The following MAN2A1 variants were observed in gnomAD, a reference collection of about 807,000 sequenced individuals.
The protein encoded by MAN2A1 is mannosidase alpha class 2A member 1.
A neutral mutation model predicts 142.6 loss-of-function variants in MAN2A1; 76 were observed. The observed-to-expected ratio is 0.53, with a 90% CI of 0.44 to 0.65. MAN2A1 has a LOEUF of 0.65. Among genes scored for constraint, MAN2A1 ranks in the 30% least tolerant of loss-of-function variants. The probability of loss-of-function intolerance (pLI) is 0.00; values close to 1 mark genes in which losing one functional copy is unlikely to be tolerated. For synonymous variants in MAN2A1, 559 were observed against 473.2 expected (o/e 1.18, Z -2.35); for missense variants, 1,311 against 1,365.1 (o/e 0.96, Z 0.62).
At chr5:109,738,546 G>A (rs759624541) in intron 4 of MAN2A1, among the ~76,000 whole-genome samples, 1 of 152,054 alleles carries the variant, frequency 6.6e-6, no homozygotes, top group Non-Finnish European at 1.5e-5. Context: ...GAACCAGTCC[G>A]CCTAGGTTCA....
At chr5:109,719,282 A>G (rs927737551) in intron 3 of MAN2A1, among the ~76,000 whole-genome samples, 10 of 152,218 alleles carry the variant, frequency 6.6e-5, no homozygotes, top group Non-Finnish European at 2.9e-5. Flanking sequence ...GTCAGAAACA[A>G]ACATTTTAAA....
chr5:109,781,750 G>C (rs897887403), intron 9 of MAN2A1, 152 bp downstream of exon 9: 23 of 436,848 alleles, frequency 5.3e-5, no homozygotes, highest in Admixed American at 1.7e-4. Flanking sequence ...AAATTTTAAT[G>C]CAATCAGAAA....
intron 7 of MAN2A1, among the ~76,000 whole-genome samples, chr5:109,773,484 C>G (rs957022611): frequency 1.3e-5 from 2 of 151,588 alleles, no homozygotes; most frequent in Admixed American, 6.6e-5. Context: ...AGCCTTCTTT[C>G]TATGTGGTCA....
chr5:109,757,038 G>A (rs9326780), intron 5 of MAN2A1, among the ~76,000 whole-genome samples: 16,268 of 152,192 alleles, frequency 0.11, 1,245 homozygotes, highest in African/African-American at 0.23. Flanking sequence ...ACTCCATGGG[G>A]AGAGGACGCT....
intron 13 of MAN2A1, 93 bp from the exon 14 acceptor site, chr5:109,819,576 T>G: frequency 1.5e-6 from 1 of 688,318 alleles, no homozygotes; most frequent in South Asian, 2.7e-5. Context: ...TTAAAAAATA[T>G]GATAGTTTGT....
At chr5:109,733,027 C>G (rs949287898) in intron 4 of MAN2A1, among the ~76,000 whole-genome samples, 10 of 152,146 alleles carry the variant, frequency 6.6e-5, no homozygotes, top group African/African-American at 2.2e-4. Flanking sequence ...TTTGTATCCT[C>G]TTTTATTTCA....
intron 21 of MAN2A1, 57 bp downstream of exon 21, chr5:109,865,203 G>T: frequency 8.3e-7 from 1 of 1,200,612 alleles, no homozygotes; most frequent in Non-Finnish European, 1.2e-6. Flanking sequence ...TCCTCTTTCT[G>T]CAAAGGATCT....
At chr5:109,804,034 A>T in intron 12 of MAN2A1, 1 of 291,308 alleles carries the variant, frequency 3.4e-6, no homozygotes, top group Non-Finnish European at 5.1e-6. Context: ...ATGTCTTCTG[A>T]AATAGTAACA....
At chr5:109,811,334 G>A (rs557915680) in intron 12 of MAN2A1, among the ~76,000 whole-genome samples, 1 of 152,030 alleles carries the variant, frequency 6.6e-6, no homozygotes, top group South Asian at 2.1e-4. Context: ...TCCAAGAAAT[G>A]AAATTCAGTG....
intron 4 of MAN2A1, among the ~76,000 whole-genome samples, chr5:109,747,765 G>A (rs138623650): frequency 4.6e-5 from 7 of 152,174 alleles, no homozygotes; most frequent in African/African-American, 1.4e-4. Context: ...GGAATAATGT[G>A]GAATTGCACC....
chr5:109,781,336 G>T (rs1259953953), intron 8 of MAN2A1, 60 bp from the exon 9 acceptor site: 4 of 957,790 alleles, frequency 4.2e-6, no homozygotes, highest in African/African-American at 3.3e-5. Context: ...CCCTAACAGT[G>T]TAAGAAGTAA....
At chr5:109,721,573 A>C (rs1751604900) in intron 3 of MAN2A1, among the ~76,000 whole-genome samples, 1 of 151,938 alleles carries the variant, frequency 6.6e-6, no homozygotes, top group Non-Finnish European at 1.5e-5. Context: ...TTATCTGACA[A>C]CCTTAATTGT....
At chr5:109,797,912 T>C (rs899478222) in intron 12 of MAN2A1, among the ~76,000 whole-genome samples, 5 of 152,172 alleles carry the variant, frequency 3.3e-5, no homozygotes, top group Non-Finnish European at 7.3e-5. Context: ...TATGTGAAGG[T>C]AGTAGAGAGA....
intron 12 of MAN2A1, among the ~76,000 whole-genome samples, chr5:109,798,845 C>G (rs1753935898): frequency 6.6e-6 from 1 of 152,104 alleles, no homozygotes; most frequent in Non-Finnish European, 1.5e-5. Context: ...CCACACTGGG[C>G]CAATTTTTTT....
chr5:109,824,037 T>C (rs746810824), intron 16 of MAN2A1, among the ~76,000 whole-genome samples, 200 bp downstream of exon 16: 9 of 152,248 alleles, frequency 5.9e-5, no homozygotes, highest in Non-Finnish European at 1.3e-4. Context: ...TACATATACA[T>C]GTTCCTCTGT....
Position 109,819,820 on chromosome 5 carries a change from C to T in MAN2A1, c.2261C>T (p.Thr754Ile), listed in dbSNP as rs1270174609. 3.1e-6 allele frequency: 5 copies of T among 1,610,798 alleles called. No individual in the cohort carries two copies. The highest frequency in any genetic ancestry group is 4.2e-6 in the Non-Finnish European group (5 of 1,178,142). The change falls in exon 14 of 22, where the codon ACT becomes ATT. Residue 754 changes from threonine (T) to isoleucine (I), a missense_variant. Thr to Ile is a moderately conservative substitution (Grantham distance 89). Transcript: ENST00000261483. ...GIFTIKNMIN[T>I]EEGITLENSF... is the part of the protein sequence containing the mutation. ...TTCACCATAAAGAATATGATAAATA[C>T]TGAAGAAGGTATAACACTAGAGAAC...
In MAN2A1 at chr5:109,840,918, T is replaced by C. The variant is rs534986783; in HGVS notation, c.2567-1410T>C. Among the ~76,000 whole-genome samples, 4 of 152,312 alleles carry C rather than the reference T, an allele frequency of 2.6e-5. No homozygotes were observed. In the South Asian group the frequency reaches 8.3e-4, roughly 32 times the overall value. ...CAAACCTCACAGAGTTAAACTTCCT[T>C]TCTTTAACTCTTTGCTGTCACCTTC... On this transcript the variant is annotated intron_variant, in intron 16 of 21. Transcript: ENST00000261483.
intron 12 of MAN2A1, among the ~76,000 whole-genome samples, chr5:109,790,711 G>A (rs79192699): frequency 0.01 from 1,531 of 151,942 alleles, 17 homozygotes; most frequent in South Asian, 0.019. Flanking sequence ...AAATCTATTT[G>A]GCTTTAGGCA....
At position 109,845,909 on chromosome 5, in the gene MAN2A1, T is replaced by G; in HGVS notation, c.2745T>G (p.Asn915Lys). ...MTLSKLPLQA[N>K]VYPMTTMAYI... ...TGAGCAAATTGCCTCTTCAAGCAAA[T>G]GTCTATCCCATGACCACAATGGCCT... Residue 915 changes from asparagine to lysine, a missense_variant, in exon 18 of 22, where the codon AAT (asparagine) becomes AAG (lysine). Asn to Lys is a moderately conservative substitution (Grantham distance 94). Around this residue, in one of 3 missense-constraint regions of MAN2A1, gnomAD observed 890 missense variants for 920.5 expected, o/e 0.97. Transcript: ENST00000261483. The G allele has an allele frequency of 6.2e-7, 1 of 1,613,718 alleles. No individual in the cohort carries two copies. The highest frequency in any genetic ancestry group is 8.5e-7 in the Non-Finnish European group (1 of 1,179,734).
Sources: gnomAD v4.1 joint callset for allele counts (sites outside exome capture counted in the v4.1 genomes callset) on GRCh38, gnomAD v4.1.1 for gene constraint, gnomAD v4.1.1 regional missense constraint, MANE v1.5 for transcripts, NCBI Gene and HGNC (gene_info 2026-07-23, HGNC 2026-07-21) for gene names.